The following BSCL2 variants were observed in gnomAD, a reference collection of about 807,000 sequenced individuals.
The protein encoded by BSCL2 is BSCL2 lipid droplet biogenesis associated, seipin.
In BSCL2, 41 loss-of-function variants were observed where a neutral mutation model predicts 57.4. The ratio of observed to expected loss-of-function variants is 0.71; its 90% CI spans 0.56 to 0.93. The LOEUF (loss-of-function observed/expected upper bound fraction) is 0.93, where lower values mean the gene tolerates loss of function less well. BSCL2 is among the 40% of genes least tolerant of loss of function. The pLI, the probability that BSCL2 is intolerant of heterozygous loss-of-function variation, is 0.00. For synonymous variants in BSCL2, 237 were observed against 227.3 expected (o/e 1.04, Z -0.38); for missense variants, 539 against 586.7 (o/e 0.92, Z 0.84).
intron 3 of BSCL2, 24 bp downstream of exon 3, chr11:62,702,444 C>T (rs1945671080): frequency 1.3e-6 from 2 of 1,589,860 alleles, no homozygotes; most frequent in Non-Finnish European, 1.7e-6. Context: ...TCTAATGAAA[C>T]CTCTCTCTAG....
In BSCL2 at chr11:62,692,713, G is replaced by C. The variant is rs1423615035; in HGVS notation, c.715C>G (p.Gln239Glu). Residue 239 changes from glutamine to glutamate, a missense_variant, in exon 5 of 11, where the codon CAG (glutamine) becomes GAG (glutamate). Coordinates refer to ENST00000360796, the MANE Select transcript of BSCL2 (RefSeq NM_001122955.4). ...SSLLLFGFAE[Q>E]KQLLEVELYA... ...AGTTCCACCTCCAGCAGCTGCTTCT[G>C]CTCTGCAAAGCCAAATAGCAGGAGG... 1.2e-6 allele frequency: 2 copies of C among 1,614,142 alleles called. No homozygotes were observed. The highest frequency in any genetic ancestry group is 1.7e-6 in the Non-Finnish European group (2 of 1,180,034).
intron 3 of BSCL2, among the ~76,000 whole-genome samples, chr11:62,699,051 G>C (rs532126957): frequency 8.6e-5 from 13 of 150,930 alleles, no homozygotes; most frequent in African/African-American, 3.2e-4. Context: ...GATTACAGGT[G>C]CACACCACCA....
intron 2 of BSCL2, among the ~76,000 whole-genome samples, chr11:62,704,907 G>C (rs1265296262): frequency 6.6e-6 from 1 of 152,174 alleles, no homozygotes; most frequent in Non-Finnish European, 1.5e-5. Context: ...CTGAGAGGCA[G>C]TAATGTAAAA....
At chr11:62,701,702 C>T (rs1161635897) in intron 3 of BSCL2, among the ~76,000 whole-genome samples, 5 of 151,756 alleles carry the variant, frequency 3.3e-5, no homozygotes, top group African/African-American at 1.2e-4. Context: ...TGTGGTGGCG[C>T]GCTCCTGTAG....
At chr11:62,704,469 C>T (rs1945753926) in intron 2 of BSCL2, among the ~76,000 whole-genome samples, 2 of 151,844 alleles carry the variant, frequency 1.3e-5, no homozygotes, top group South Asian at 4.2e-4. Flanking sequence ...TGGCGTGAGC[C>T]CAGGAGGCGG....
intron 4 of BSCL2, 118 bp from the exon 5 acceptor site, chr11:62,692,915 G>T: frequency 7.4e-7 from 1 of 1,353,746 alleles, no homozygotes; most frequent in Non-Finnish European, 1.0e-6. Context: ...CAGGTCCCTG[G>T]CTGCCTCACC....
intron 4 of BSCL2, among the ~76,000 whole-genome samples, chr11:62,693,993 T>C (rs566842241): frequency 6.6e-6 from 1 of 151,910 alleles, no homozygotes; most frequent in East Asian, 1.9e-4. Flanking sequence ...TTTGTATTTT[T>C]AGTAGAGACG....
chr11:62,694,698 C>T lies in BSCL2; in HGVS notation c.500G>A (p.Gly167Glu), dbSNP rs778171363. ...KGGRDRVLMY[G>E]QPYRVTLELE... ...CTCTAAGGTAACACGATACGGCTGT[C>T]CATACATCAGCACCTGCCAAAGGTA... The change falls in exon 4 of 11, where the codon GGA becomes GAA. Residue 167 changes from glycine to glutamate, a missense_variant. By Grantham distance (98) the Gly-to-Glu change is moderately conservative (BLOSUM62 -2). This residue lies in a region of BSCL2 where 218 missense variants were observed against 224.8 expected (regional missense o/e 0.97). Transcript: ENST00000360796. The T allele has an allele frequency of 1.2e-6, 2 of 1,614,102 alleles. No individual in the cohort carries two copies. The highest frequency in any genetic ancestry group is 1.7e-6 in the Non-Finnish European group (2 of 1,180,004).
chr11:62,705,929 G>C (rs763855686), intron 1 of BSCL2: 7 of 340,168 alleles, frequency 2.1e-5, no homozygotes, highest in Non-Finnish European at 3.8e-5. Flanking sequence ...ACGATTCTTA[G>C]AAAGAGCTTT....
chr11:62,708,800 C>T (rs756315579), upstream of BSCL2: 6 of 1,611,794 alleles, frequency 3.7e-6, no homozygotes, highest in Admixed American at 1.0e-4. Context: ...TCTGTGCTCT[C>T]CTCTGAGCTC....
At chr11:62,691,036 C>T in intron 8 of BSCL2, 39 bp downstream of exon 8, 1 of 1,612,610 alleles carries the variant, frequency 6.2e-7, no homozygotes, top group Non-Finnish European at 8.5e-7. Flanking sequence ...CCCAGCTCAA[C>T]CTAGCCCACC....
At chr11:62,704,863 C>T (rs1945771577) in intron 2 of BSCL2, among the ~76,000 whole-genome samples, 1 of 152,160 alleles carries the variant, frequency 6.6e-6, no homozygotes, top group South Asian at 2.1e-4. Flanking sequence ...TCTTATGTTT[C>T]CATAATCTCT....
chr11:62,700,633 C>T (rs1945611039), intron 3 of BSCL2, among the ~76,000 whole-genome samples: 1 of 151,868 alleles, frequency 6.6e-6, no homozygotes, highest in African/African-American at 2.4e-5. Context: ...AGGAAAGAAA[C>T]TCCGTCTCAA....
Position 62,705,379 on chromosome 11 carries a change from G to A in BSCL2, c.326C>T (p.Ser109Phe). 6.2e-7 allele frequency: 1 copy of A among 1,614,176 alleles called. No individual in the cohort carries two copies. The highest frequency in any genetic ancestry group is 8.5e-7 in the Non-Finnish European group (1 of 1,180,016). Reference protein sequence around the residue: ...FCTILLLLWVSVFLYGSFYYS... With the variant: ...FCTILLLLWVFVFLYGSFYYS... The stretch of plus-strand genomic sequence containing the variant: ...GTAGAAGGAGCCATAGAGGAAGACA[G>A]ACACCCAGAGCAAAAGGAGGATGGT... Residue 109 changes from serine (S) to phenylalanine (F), a missense_variant, in exon 2 of 11, where the codon TCT becomes TTT. Transcript: ENST00000360796.
chr11:62,709,078 GC>G, upstream of BSCL2: 1 of 492,156 alleles, frequency 2.0e-6, no homozygotes, highest in South Asian at 1.8e-5. Context: ...AGCGCGTCCT[GC>G]CCGCTTCCCT....
Position 62,705,439 on chromosome 11 carries a change from C to G in BSCL2, c.266G>C (p.Arg89Pro), listed in dbSNP as rs780387759. Residue 89 changes from arginine (R) to proline (P), a missense_variant, in exon 2 of 11, where the codon CGC (arginine) becomes CCC (proline). Physicochemically the swap from Arg to Pro is moderately radical, Grantham distance 103 (BLOSUM62 -2). Coordinates refer to ENST00000360796, the MANE Select transcript of BSCL2 (RefSeq NM_001122955.4). Reference protein sequence around the residue: ...EVGQVLAGRARRLLLQFGVLF... With the variant: ...EVGQVLAGRAPRLLLQFGVLF... ...CACCCCAAACTGCAGCAGCAGCCTGCGGGCACGGCCTGCCAAGACTTGGCC... is the reference window on the plus strand; with the variant it reads ...CACCCCAAACTGCAGCAGCAGCCTGGGGGCACGGCCTGCCAAGACTTGGCC... The G allele has an allele frequency of 6.2e-7, 1 of 1,614,084 alleles. No homozygotes were observed. Among genetic ancestry groups the G allele is most frequent in the Admixed American group, 1.7e-5 (1 of 60,008 alleles).
chr11:62,702,564 AG>A lies in BSCL2; in HGVS notation c.405-16del, dbSNP rs774015823. 5 of 1,603,884 alleles carry A rather than the reference AG, an allele frequency of 3.1e-6. No individual in the cohort carries two copies. The African/African-American group carries it at 6.7e-5, about 21-fold the overall frequency. ...CACAGTCGGTCCTAAATGAGATTGG[AG>A]GAGGATACTCTGCTAAGTTAGTCTT... On this transcript the variant is annotated splice_polypyrimidine_tract_variant and intron_variant, in intron 2 of 10. Transcript: ENST00000360796.
At position 62,690,846 on chromosome 11, in the gene BSCL2, G is replaced by T; in HGVS notation, c.1094C>A (p.Ser365Ter). 1 of 1,613,616 alleles carries T rather than the reference G, an allele frequency of 6.2e-7. No individual in the cohort carries two copies. Among genetic ancestry groups the T allele is most frequent in the South Asian group, 1.1e-5 (1 of 91,038 alleles). ...CTCTGTAACATCTGATTGCGGAGTTGACTCCTCCTGGCCTTCAGGCCCTGC... is the reference window on the plus strand; with the variant it reads ...CTCTGTAACATCTGATTGCGGAGTTTACTCCTCCTGGCCTTCAGGCCCTGC... ...HQPGPEGQEE[S>*]TPQSDVTEDG... is the part of the protein sequence containing the mutation. The change falls in exon 9 of 11, where the codon TCA becomes TAA. Residue 365 changes from serine (S) to a stop codon, truncating the protein, a stop_gained. Transcript: ENST00000360796. LOFTEE classifies it high-confidence loss of function.
intron 5 of BSCL2, 57 bp downstream of exon 5, chr11:62,692,606 T>A: frequency 6.2e-7 from 1 of 1,613,172 alleles, no homozygotes; most frequent in Non-Finnish European, 8.5e-7. Context: ...TCAGGTAGAA[T>A]CCTGGGCTAA....
Sources: allele counts gnomAD v4.1 joint callset (sites outside exome capture counted in the v4.1 genomes callset), GRCh38; gene constraint gnomAD v4.1.1; regional missense constraint gnomAD v4.1.1; transcripts MANE v1.5; gene names NCBI Gene and HGNC (gene_info 2026-07-23, HGNC 2026-07-21).